The following CSMD2 variants were observed in gnomAD, a reference collection of about 807,000 sequenced individuals.
The protein encoded by CSMD2 is CUB and sushi domain-containing protein 2.
In CSMD2, 130 loss-of-function variants were observed where a neutral mutation model predicts 398.5. The ratio of observed to expected loss-of-function variants is 0.33; its 90% CI spans 0.28 to 0.38. The LOEUF is 0.38. CSMD2 is among the 10% of genes least tolerant of loss of function. The pLI is 1.00. For missense variants in CSMD2, 3,829 were observed against 4,764.9 expected, an observed-to-expected ratio of 0.80 and a Z score of 5.78; for synonymous variants, 1,828 against 1,908.5, an observed-to-expected ratio of 0.96 and a Z score of 1.10.
chr1:33,774,107 T>TTGTG (rs61454614), intron 12 of CSMD2, among the ~76,000 whole-genome samples: 2,291 of 141,680 alleles, frequency 0.016, 23 homozygotes, highest in South Asian at 0.028. Context: ...ATGGCTGGGA[T>TTGTG]TGTGTGTGTG....
intron 4 of CSMD2, among the ~76,000 whole-genome samples, chr1:33,928,561 T>G (rs1345354018): frequency 1.3e-5 from 2 of 152,074 alleles, no homozygotes; most frequent in Non-Finnish European, 2.9e-5. Context: ...CATAGAGAGG[T>G]TGAGTAACTG....
At chr1:33,829,584 GA>G (rs1557964077) in intron 6 of CSMD2, among the ~76,000 whole-genome samples, 1 of 152,206 alleles carries the variant, frequency 6.6e-6, no homozygotes, top group Non-Finnish European at 1.5e-5. Flanking sequence ...GAGCGACGCA[GA>G]AGAAGGGTGA....
intron 3 of CSMD2, among the ~76,000 whole-genome samples, chr1:33,965,749 A>G (rs1388417403): frequency 6.6e-6 from 1 of 152,240 alleles, no homozygotes; most frequent in Non-Finnish European, 1.5e-5. Context: ...CAGAATTTCA[A>G]GATGGTCATA....
chr1:34,049,137 C>T (rs563409417), intron 2 of CSMD2, among the ~76,000 whole-genome samples: 3 of 152,162 alleles, frequency 2.0e-5, no homozygotes, highest in Non-Finnish European at 2.9e-5. Flanking sequence ...CCAAGTCACA[C>T]GTTGTGAACA....
At chr1:33,826,447 C>T (rs1658831564) in intron 6 of CSMD2, among the ~76,000 whole-genome samples, 1 of 152,196 alleles carries the variant, frequency 6.6e-6, no homozygotes, top group Non-Finnish European at 1.5e-5. Flanking sequence ...TGTGAGACAA[C>T]ATAGCTGCTC....
intron 12 of CSMD2, among the ~76,000 whole-genome samples, chr1:33,786,226 A>G (rs1249983538): frequency 2.0e-5 from 3 of 152,072 alleles, no homozygotes; most frequent in African/African-American, 4.8e-5. Flanking sequence ...AGTTCACGCT[A>G]TTTACTTCTT....
rs78988688 is a variant in CSMD2, at chr1:34,008,808, C to G, written c.517+23786G>C. ...CCATGAGGACAGGGTGTGTGTTGTTCATGACTATATTCCCAGTGCCTCTCA... is the reference window on the plus strand; with the variant it reads ...CCATGAGGACAGGGTGTGTGTTGTTGATGACTATATTCCCAGTGCCTCTCA... On this transcript the variant is annotated intron_variant, in intron 3 of 70. Transcript: ENST00000373381. 5.8e-4 allele frequency among the ~76,000 whole-genome samples: 88 copies of G among 152,308 alleles called. No homozygotes were observed. In the East Asian group the frequency reaches 0.016, roughly 27 times the overall value.
chr1:34,130,826 G>A (rs1335591937), intron 1 of CSMD2, among the ~76,000 whole-genome samples: 2 of 151,948 alleles, frequency 1.3e-5, no homozygotes, highest in African/African-American at 2.4e-5. Flanking sequence ...CTTGGAGCCC[G>A]TTTTCAAGGG....
intron 10 of CSMD2, among the ~76,000 whole-genome samples, chr1:33,799,220 A>G (rs925497546): frequency 7.2e-5 from 11 of 152,232 alleles, no homozygotes; most frequent in Admixed American, 2.6e-4. Flanking sequence ...CAAAACCTAC[A>G]ACATAGAAGA....
At chr1:33,918,793 G>A (rs1643853629) in intron 4 of CSMD2, among the ~76,000 whole-genome samples, 1 of 152,212 alleles carries the variant, frequency 6.6e-6, no homozygotes. Context: ...TTTGAATTTA[G>A]ACTCCACAAT....
chr1:33,625,018 C>A, intron 34 of CSMD2, 33 bp downstream of exon 34: 1 of 1,606,270 alleles, frequency 6.2e-7, no homozygotes, highest in Non-Finnish European at 8.5e-7. Context: ...TGCCGCCCCC[C>A]GCACCCTCAA....
At chr1:33,971,502 C>A (rs1031329110) in intron 3 of CSMD2, among the ~76,000 whole-genome samples, 1 of 152,242 alleles carries the variant, frequency 6.6e-6, no homozygotes, top group South Asian at 2.1e-4. Flanking sequence ...AGCTTTTGTG[C>A]AAAGCCAGGC....
At position 33,821,812 on chromosome 1, in the gene CSMD2, G is replaced by A. The variant is rs920142209; in HGVS notation, c.1112-1256C>T. On this transcript the variant is annotated intron_variant, in intron 7 of 70. Coordinates refer to ENST00000373381, the MANE Select transcript of CSMD2 (RefSeq NM_001281956.2). ...GTGGGGAGGGATGAAGGATGCACCC[G>A]CATGTGAGGCTGCCTGGAAGAGGTG... Among the ~76,000 whole-genome samples, 15 of 152,280 alleles carry A rather than the reference G, an allele frequency of 9.9e-5. No homozygotes were observed. The East Asian group carries it at 2.3e-3, about 24-fold the overall frequency.
At chr1:33,687,506 C>T (rs2149083991) in intron 25 of CSMD2, among the ~76,000 whole-genome samples, 1 of 152,014 alleles carries the variant, frequency 6.6e-6, no homozygotes, top group African/African-American at 2.4e-5. Flanking sequence ...ACTCTGAAAT[C>T]ACTAGAACAA....
chr1:33,987,820 T>A (rs1057343702), intron 3 of CSMD2, among the ~76,000 whole-genome samples: 2 of 152,282 alleles, frequency 1.3e-5, no homozygotes, highest in Admixed American at 1.3e-4. Flanking sequence ...AGCACCACCA[T>A]GCCCCTGTGT....
chr1:33,641,043 C>T (rs72662047), intron 29 of CSMD2, among the ~76,000 whole-genome samples: 9,079 of 152,230 alleles, frequency 0.06, 379 homozygotes, highest in East Asian at 0.12. Flanking sequence ...CTGAAACGCC[C>T]CTGGCCCCCA....
intron 9 of CSMD2, among the ~76,000 whole-genome samples, chr1:33,819,472 C>T (rs1030010519): frequency 2.0e-4 from 30 of 152,196 alleles, no homozygotes; most frequent in African/African-American, 6.0e-4. Flanking sequence ...CTGTAAGGTC[C>T]ATGCAGGGCA....
chr1:33,767,131 A>C (rs1650610446), intron 13 of CSMD2, among the ~76,000 whole-genome samples: 1 of 152,236 alleles, frequency 6.6e-6, no homozygotes, highest in Non-Finnish European at 1.5e-5. Flanking sequence ...TTGACAGAAG[A>C]ACCCACAGAT....
chr1:33,645,706 T>A (rs957020835), intron 29 of CSMD2, among the ~76,000 whole-genome samples: 25 of 152,354 alleles, frequency 1.6e-4, no homozygotes, highest in African/African-American at 6.0e-4. Flanking sequence ...GACTTTCATG[T>A]GTGGACTCAC....
Sources: allele counts gnomAD v4.1 joint callset (sites outside exome capture counted in the v4.1 genomes callset), GRCh38; gene constraint gnomAD v4.1.1; transcripts MANE v1.5; gene names NCBI Gene and HGNC (gene_info 2026-07-23, HGNC 2026-07-21).